Variants in C5orf22 observed in about 807,000 individuals in gnomAD.
C5orf22 encodes chromosome 5 open reading frame 22, also known as UPF0489 protein C5orf22.
Under a neutral mutation model 48.7 loss-of-function variants are expected in C5orf22, and 36 were observed. The ratio of observed to expected loss-of-function variants is 0.74; its 90% CI spans 0.57 to 0.98. C5orf22 has a LOEUF of 0.98. C5orf22 is among the 50% of genes least tolerant of loss of function. The pLI is 0.00. For synonymous variants in C5orf22, 141 were observed against 180.8 expected (o/e 0.78, Z 1.76); for missense variants, 486 against 521.9 (o/e 0.93, Z 0.67).
intron 3 of C5orf22, among the ~76,000 whole-genome samples, chr5:31,537,513 G>A (rs1742170937): frequency 6.6e-6 from 1 of 152,124 alleles, no homozygotes; most frequent in African/African-American, 2.4e-5. Flanking sequence ...TGCTGGGAGA[G>A]GTCAAGTGGG....
intron 7 of C5orf22, among the ~76,000 whole-genome samples, chr5:31,547,902 T>G (rs1397156446): frequency 6.6e-6 from 1 of 152,240 alleles, no homozygotes; most frequent in Non-Finnish European, 1.5e-5. Context: ...CTTATGCAAA[T>G]TTCTGCAGCC....
At chr5:31,548,402 A>G (rs535059508) in intron 7 of C5orf22, 2 of 248,200 alleles carry the variant, frequency 8.1e-6, no homozygotes, top group African/African-American at 2.3e-5. Context: ...ATCATCTCTC[A>G]ACTTCAAAGT....
intron 7 of C5orf22, among the ~76,000 whole-genome samples, chr5:31,546,198 G>A (rs1376359281): frequency 6.6e-6 from 1 of 152,138 alleles, no homozygotes; most frequent in Non-Finnish European, 1.5e-5. Flanking sequence ...TGAATGCTAT[G>A]GCCAAAGATA....
In C5orf22 at chr5:31,554,479, A is replaced by G. The variant is rs1743475290; in HGVS notation, c.*1577A>G. The G allele has an allele frequency of 6.6e-6, 1 of 152,250 alleles. No homozygotes were observed. The highest frequency in any genetic ancestry group is 1.5e-5 in the Non-Finnish European group (1 of 68,048). The allele number at this position is 152,250 out of a possible 1,614,324, so 9.4% of individuals were successfully genotyped here. A position where few individuals can be genotyped will look rare whatever the true frequency, so the allele number is the denominator to read the frequency against. ...TTATTTGTGCTGTGAAAAGCAGAGC[A>G]GCCTGACTCAGCTTTCCATTTTCAT... On this transcript the variant is annotated 3_prime_UTR_variant, in exon 9 of 9. Transcript: ENST00000325366.
intron 3 of C5orf22, among the ~76,000 whole-genome samples, chr5:31,536,477 C>A (rs1424352720): frequency 1.3e-5 from 2 of 152,120 alleles, no homozygotes; most frequent in Non-Finnish European, 2.9e-5. Flanking sequence ...GAGCTGAGAT[C>A]GTGCCACTGT....
intron 4 of C5orf22, among the ~76,000 whole-genome samples, chr5:31,539,737 T>A (rs1742334895): frequency 6.6e-6 from 1 of 152,152 alleles, no homozygotes; most frequent in African/African-American, 2.4e-5. Context: ...GTTCATCTTT[T>A]TTTTTTTCTT....
chr5:31,532,555 AG>A, intron 1 of C5orf22, 82 bp downstream of exon 1: 1 of 1,227,316 alleles, frequency 8.1e-7, no homozygotes, highest in South Asian at 1.4e-5. Context: ...GCGCAACCTT[AG>A]CATCGGAGGC....
At chr5:31,552,750 C>G in intron 8 of C5orf22, 23 bp from the exon 9 acceptor site, 3 of 1,606,226 alleles carry the variant, frequency 1.9e-6, no homozygotes, top group African/African-American at 2.7e-5. Flanking sequence ...TATTTTTCTT[C>G]TTTCTCTTTC....
At chr5:31,548,434 G>A in intron 7 of C5orf22, 2 of 328,822 alleles carry the variant, frequency 6.1e-6, no homozygotes, top group South Asian at 2.5e-5. Flanking sequence ...CTAGGGCAGG[G>A]GCAAAATGCC....
intron 7 of C5orf22, among the ~76,000 whole-genome samples, chr5:31,549,378 G>A (rs1393958037): frequency 2.6e-5 from 4 of 152,122 alleles, no homozygotes; most frequent in African/African-American, 9.7e-5. Context: ...GATTTGGGTG[G>A]AGATACAGCC....
At position 31,545,664 on chromosome 5, in the gene C5orf22, C is replaced by T. The variant is rs1208812280; in HGVS notation, c.1011C>T (p.Pro337=). ...TTTCCAGAATGGAATCACTAGTTCC[C>T]CTTGTACAGAGTTTGAAAAAACGGA... ...ASNPGMESLV[P]LVQSLKKRME... is the part of the protein sequence containing the mutation. Residue 337 remains proline, a synonymous_variant, in exon 7 of 9, where the codon CCC becomes CCT. Coordinates refer to ENST00000325366, the MANE Select transcript of C5orf22 (RefSeq NM_018356.3). The T allele has an allele frequency of 1.2e-6, 2 of 1,611,008 alleles. No individual in the cohort carries two copies. The highest frequency in any genetic ancestry group is 1.1e-5 in the South Asian group (1 of 90,636).
intron 4 of C5orf22, among the ~76,000 whole-genome samples, chr5:31,539,539 G>A (rs1742321675): frequency 1.3e-5 from 2 of 152,188 alleles, no homozygotes; most frequent in African/African-American, 2.4e-5. Context: ...TATTTGTAAT[G>A]AAAGTTTCTA....
Position 31,534,345 on chromosome 5 carries a change from A to T in C5orf22, c.155A>T (p.Asp52Val), listed in dbSNP as rs1396733686. ...PASNVSFLHF[D>V]SHPDLLIPVN... Reference sequence around the variant, plus strand: ...AGTAATGTAAGTTTTTTACATTTCGACTCACATCCAGACCTCCTTATTCCT... The same window carrying T: ...AGTAATGTAAGTTTTTTACATTTCGTCTCACATCCAGACCTCCTTATTCCT... Residue 52 changes from aspartate (D) to valine (V), a missense_variant, in exon 2 of 9, where the codon GAC (aspartate) becomes GTC (valine). Physicochemically the swap from Asp to Val is radical, Grantham distance 152. Transcript: ENST00000325366. The T allele has an allele frequency of 6.2e-7, 1 of 1,613,656 alleles. No homozygotes were observed. Among genetic ancestry groups the T allele is most frequent in the Admixed American group, 1.7e-5 (1 of 60,018 alleles).
chr5:31,541,360 G>A lies in C5orf22; in HGVS notation c.950G>A (p.Gly317Asp). 6.2e-7 allele frequency: 1 copy of A among 1,614,082 alleles called. No individual in the cohort carries two copies. The highest frequency in any genetic ancestry group is 1.1e-5 in the South Asian group (1 of 91,090). Residue 317 changes from glycine (G) to aspartate (D), a missense_variant, in exon 6 of 9, where the codon GGT becomes GAT. By Grantham distance (94) the Gly-to-Asp change is moderately conservative. Transcript: ENST00000325366. ...GCCACTTTCGCTGATTTGTGTGATG[G>A]TGATGATGAAGAAACGGTACAGAGA... ...LEATFADLCD[G>D]DDEETVQRWA...
At chr5:31,536,060 ATT>A (rs1742058886) in intron 3 of C5orf22, among the ~76,000 whole-genome samples, 167 bp downstream of exon 3, 1 of 152,226 alleles carries the variant, frequency 6.6e-6, no homozygotes, top group African/African-American at 2.4e-5. Flanking sequence ...GTCTCTTGAT[ATT>A]CTTCATGTAC....
rs188980380 is a variant in C5orf22, at chr5:31,544,766, C to T, written c.993-880C>T. On this transcript the variant is annotated intron_variant, in intron 6 of 8. Transcript: ENST00000325366. ...TCTGGGCAACATAGCAAGACCCTATCTCTACAAAAAGATTTTAAAATTAGT... is the reference window on the plus strand; with the variant it reads ...TCTGGGCAACATAGCAAGACCCTATTTCTACAAAAAGATTTTAAAATTAGT... 3.5e-4 allele frequency among the ~76,000 whole-genome samples: 53 copies of T among 152,068 alleles called. No individual in the cohort carries two copies. The South Asian group carries it at 4.0e-3, about 11-fold the overall frequency.
At chr5:31,551,546 A>C in intron 8 of C5orf22, 114 bp downstream of exon 8, 1 of 792,132 alleles carries the variant, frequency 1.3e-6, no homozygotes, top group Non-Finnish European at 2.0e-6. Context: ...TGATTAACTC[A>C]AGGATTTTGA....
At chr5:31,545,518 T>TAAAG (rs1561327307) in intron 6 of C5orf22, 128 bp from the exon 7 acceptor site, 1 of 717,654 alleles carries the variant, frequency 1.4e-6, no homozygotes, top group African/African-American at 1.8e-5. Context: ...AACAGCTTTA[T>TAAAG]CTTTTATTTC....
intron 7 of C5orf22, among the ~76,000 whole-genome samples, chr5:31,546,952 T>C (rs1285315598): frequency 6.6e-6 from 1 of 152,186 alleles, no homozygotes; most frequent in Non-Finnish European, 1.5e-5. Flanking sequence ...CTCAAAGTCT[T>C]AACTTATTTC....
Sources: allele counts gnomAD v4.1 joint callset (sites outside exome capture counted in the v4.1 genomes callset), GRCh38; gene constraint gnomAD v4.1.1; transcripts MANE v1.5; gene names NCBI Gene and HGNC (gene_info 2026-07-23, HGNC 2026-07-21).